TCF12: variants seen among roughly 807,000 people sequenced by gnomAD.
The protein encoded by TCF12 is DNA-binding protein HTF4.
A neutral mutation model predicts 86.0 loss-of-function variants in TCF12; 45 were observed. That is an observed-to-expected ratio of 0.52 (90% CI 0.41 to 0.67). TCF12 has a LOEUF of 0.67. Among genes scored for constraint, TCF12 ranks in the 30% least tolerant of loss-of-function variants. The pLI is 0.00. For synonymous variants in TCF12, 330 were observed against 299.6 expected (o/e 1.10, Z -1.05); for missense variants, 881 against 859.9 (o/e 1.02, Z -0.31).
At chr15:56,926,786 C>G (rs2060034696) in intron 3 of TCF12, among the ~76,000 whole-genome samples, 1 of 152,232 alleles carries the variant, frequency 6.6e-6, no homozygotes, top group Non-Finnish European at 1.5e-5. Flanking sequence ...TTGTCTGCTT[C>G]TGTTTCTTAA....
At chr15:57,125,221 C>A (rs1226014312) in intron 5 of TCF12, among the ~76,000 whole-genome samples, 1 of 152,130 alleles carries the variant, frequency 6.6e-6, no homozygotes, top group Non-Finnish European at 1.5e-5. Flanking sequence ...CTAAGAAAAC[C>A]AAGTATGATT....
chr15:57,228,271 G>A (rs2058977877), intron 8 of TCF12, among the ~76,000 whole-genome samples: 1 of 152,032 alleles, frequency 6.6e-6, no homozygotes, highest in African/African-American at 2.4e-5. Context: ...GCAAGCTATA[G>A]TTAAGATACC....
intron 3 of TCF12, among the ~76,000 whole-genome samples, chr15:56,975,056 C>A (rs1264348286): frequency 6.6e-6 from 1 of 152,050 alleles, no homozygotes; most frequent in Non-Finnish European, 1.5e-5. Context: ...CCATCATTTT[C>A]TTTAATGAAA....
rs2068641321 is a variant in TCF12 at position 57,063,798 on chromosome 15, C to G, written c.197C>G (p.Pro66Arg). ...GTTSWGTSGQ[P>R]SPSYDSSRGF... ...ACATCTTGGGGAACAAGTGGTCAAC[C>G]AAGTCCTTCCTATGATTCATCTAGA... Residue 66 changes from proline to arginine, a missense_variant, in exon 4 of 21, where the codon CCA (proline) becomes CGA (arginine). Coordinates refer to ENST00000333725, the MANE Select transcript of TCF12 (RefSeq NM_207037.2). 1 of 1,602,166 alleles carries G rather than the reference C, an allele frequency of 6.2e-7. No individual in the cohort carries two copies. The highest frequency in any genetic ancestry group is 1.7e-5 in the Admixed American group (1 of 59,936).
At chr15:57,182,932 C>T (rs1475695191) in intron 6 of TCF12, among the ~76,000 whole-genome samples, 1 of 152,072 alleles carries the variant, frequency 6.6e-6, no homozygotes, top group Non-Finnish European at 1.5e-5. Flanking sequence ...AGAAATGATG[C>T]ATGTTCCCGA....
intron 16 of TCF12, among the ~76,000 whole-genome samples, chr15:57,260,698 A>C (rs1206634959): frequency 6.6e-6 from 1 of 152,132 alleles, no homozygotes; most frequent in Admixed American, 6.5e-5. Context: ...GGTTCCAAAG[A>C]ATTTGCAGCC....
chr15:57,170,700 TATATAA>T (rs2055334779), intron 6 of TCF12, among the ~76,000 whole-genome samples: 7 of 6,332 alleles, frequency 1.1e-3, no homozygotes, highest in South Asian at 5.3e-3. Flanking sequence ...ATATATATTA[TATATAA>T]TATATAATAT....
At chr15:57,170,778 A>AT (rs1491161503) in intron 6 of TCF12, among the ~76,000 whole-genome samples, 2 of 53,154 alleles carry the variant, frequency 3.8e-5, no homozygotes, top group African/African-American at 1.7e-4. Context: ...TATTATATAT[A>AT]ATATATATAT....
chr15:56,984,014 A>AAAAAAAAAAAAGAAGAAG (rs777234282), intron 3 of TCF12, among the ~76,000 whole-genome samples: 1 of 104,398 alleles, frequency 9.6e-6, no homozygotes, highest in Admixed American at 1.2e-4. Flanking sequence ...AAAAAAAAAA[A>AAAAAAAAAAAAGAAGAAG]AAGAAGAAGA....
intron 5 of TCF12, among the ~76,000 whole-genome samples, chr15:57,161,427 T>G (rs1028856168): frequency 6.6e-6 from 1 of 152,254 alleles, no homozygotes; most frequent in Non-Finnish European, 1.5e-5. Flanking sequence ...TGTCATTTCT[T>G]GAGCAATTTT....
At chr15:56,938,940 C>G (rs1397271547) in intron 3 of TCF12, among the ~76,000 whole-genome samples, 3 of 152,118 alleles carry the variant, frequency 2.0e-5, no homozygotes, top group Non-Finnish European at 4.4e-5. Flanking sequence ...AAAGTGTCAC[C>G]TTAGCATTTA....
At chr15:57,249,678 T>G (rs1464348587) in intron 13 of TCF12, among the ~76,000 whole-genome samples, 1 of 152,170 alleles carries the variant, frequency 6.6e-6, no homozygotes, top group Non-Finnish European at 1.5e-5. Flanking sequence ...AGCAAATAAA[T>G]TGTAGTGTCA....
intron 3 of TCF12, among the ~76,000 whole-genome samples, chr15:57,024,160 C>T (rs1376115953): frequency 6.7e-6 from 1 of 150,168 alleles, no homozygotes; most frequent in African/African-American, 2.5e-5. Context: ...GAGTATGGCT[C>T]AGGCAAGAAA....
intron 5 of TCF12, among the ~76,000 whole-genome samples, chr15:57,162,227 A>G (rs1691833725): frequency 1.4e-5 from 2 of 141,258 alleles, no homozygotes; most frequent in African/African-American, 5.7e-5. Flanking sequence ...TCATTTATGT[A>G]TATTTATGTT....
At chr15:57,145,028 A>T (rs984826555) in intron 5 of TCF12, among the ~76,000 whole-genome samples, 25 of 152,226 alleles carry the variant, frequency 1.6e-4, no homozygotes, top group Non-Finnish European at 3.4e-4. Context: ...TTCCTGTATC[A>T]AATACAATGT....
At chr15:57,032,161 A>T (rs140954124) in intron 3 of TCF12, among the ~76,000 whole-genome samples, 143 of 152,264 alleles carry the variant, frequency 9.4e-4, no homozygotes, top group African/African-American at 3.2e-3. Context: ...GGGCTCATGA[A>T]TCTGATCTTA....
At chr15:56,970,635 A>G (rs1220669192) in intron 3 of TCF12, among the ~76,000 whole-genome samples, 3 of 152,164 alleles carry the variant, frequency 2.0e-5, no homozygotes, top group Admixed American at 6.5e-5. Context: ...GTTTTTCTCT[A>G]TATCTCAAAT....
intron 3 of TCF12, among the ~76,000 whole-genome samples, chr15:56,977,699 A>G (rs893321528): frequency 1.3e-5 from 2 of 152,180 alleles, no homozygotes; most frequent in Non-Finnish European, 2.9e-5. Flanking sequence ...AAATTCAACA[A>G]AAGGAAAAAG....
chr15:56,940,622 C>CCTCCTTCTCCCT (rs1476853769), intron 3 of TCF12, among the ~76,000 whole-genome samples: 2 of 148,504 alleles, frequency 1.3e-5, no homozygotes, highest in Non-Finnish European at 3.0e-5. Context: ...TTCTCCCTCT[C>CCTCCTTCTCCCT]CTCCTTCTCC....
Sources: allele counts gnomAD v4.1 joint callset (sites outside exome capture counted in the v4.1 genomes callset), GRCh38; gene constraint gnomAD v4.1.1; transcripts MANE v1.5; gene names NCBI Gene and HGNC (gene_info 2026-07-23, HGNC 2026-07-21).